The following NIPAL2 variants were observed in gnomAD, a reference collection of about 807,000 sequenced individuals.
The protein encoded by NIPAL2 is NIPA-like protein 2.
Under a neutral mutation model 48.9 loss-of-function variants are expected in NIPAL2, and 43 were observed. That is an observed-to-expected ratio of 0.88 (90% CI 0.69 to 1.13). NIPAL2 has a LOEUF of 1.13. Ranked by LOEUF, NIPAL2 falls within the 50% of genes most tolerant of loss-of-function variation. The probability of loss-of-function intolerance (pLI) is 0.00; values close to 1 mark genes in which losing one functional copy is unlikely to be tolerated. For missense variants in NIPAL2, 446 were observed against 461.4 expected, an observed-to-expected ratio of 0.97 and a Z score of 0.31; for synonymous variants, 167 against 174.6, an observed-to-expected ratio of 0.96 and a Z score of 0.34.
intron 1 of NIPAL2, among the ~76,000 whole-genome samples, chr8:98,278,366 C>A (rs1815602643): frequency 6.6e-6 from 1 of 152,118 alleles, no homozygotes; most frequent in South Asian, 2.1e-4. Flanking sequence ...CCACCATTAT[C>A]CCTTTAAATG....
chr8:98,220,728 G>A (rs2443578), intron 5 of NIPAL2, among the ~76,000 whole-genome samples: 10,715 of 151,828 alleles, frequency 0.071, 462 homozygotes, highest in Middle Eastern at 0.14. Context: ...TATTGATTTC[G>A]CAACCATTTT....
chr8:98,222,637 C>G (rs374689731), intron 4 of NIPAL2, 37 bp from the exon 5 acceptor site: 72 of 1,608,534 alleles, frequency 4.5e-5, no homozygotes, highest in Middle Eastern at 3.3e-4. Flanking sequence ...CAAATTGAAA[C>G]CAACCTAAAG....
At chr8:98,237,221 A>T (rs940058073) in intron 3 of NIPAL2, among the ~76,000 whole-genome samples, 12 of 151,468 alleles carry the variant, frequency 7.9e-5, no homozygotes, top group East Asian at 1.9e-4. Context: ...CTAATTAAAA[A>T]TTTTTTTATT....
intron 5 of NIPAL2, among the ~76,000 whole-genome samples, chr8:98,221,857 G>A (rs7820126): frequency 0.26 from 39,638 of 152,094 alleles, 5,274 homozygotes; most frequent in African/African-American, 0.28. Flanking sequence ...TAGTTCAACC[G>A]TTGTGGAAGA....
At chr8:98,287,583 G>A (rs972922870) in intron 1 of NIPAL2, among the ~76,000 whole-genome samples, 4 of 152,194 alleles carry the variant, frequency 2.6e-5, no homozygotes, top group African/African-American at 7.2e-5. Context: ...TTTATGACAT[G>A]TCCTATAATA....
Position 98,228,427 on chromosome 8 carries a change from A to G in NIPAL2, c.437-5827T>C, listed in dbSNP as rs138271592. ...TCAAGACTTGGATCCCAGAAGCCTA[A>G]TCCAAGCTGAAACTGCCCCCACAAA... On this transcript the variant is annotated intron_variant, in intron 4 of 10. Transcript: ENST00000430223. Among the ~76,000 whole-genome samples, 56 of 152,276 alleles carry G rather than the reference A, an allele frequency of 3.7e-4. 1 individual carries two copies. The highest frequency in any genetic ancestry group is 1.3e-3 in the African/African-American group (56 of 41,544).
chr8:98,277,957 C>A (rs1027227915), intron 1 of NIPAL2, among the ~76,000 whole-genome samples: 1 of 152,112 alleles, frequency 6.6e-6, no homozygotes, highest in Non-Finnish European at 1.5e-5. Flanking sequence ...CAGTGTCCTT[C>A]TTCCTGAAGA....
intron 1 of NIPAL2, among the ~76,000 whole-genome samples, chr8:98,290,566 A>T (rs1816437982): frequency 1.3e-5 from 2 of 152,190 alleles, no homozygotes; most frequent in South Asian, 4.1e-4. Flanking sequence ...GTCCAACTTT[A>T]ATTTTTACCA....
intron 1 of NIPAL2, among the ~76,000 whole-genome samples, chr8:98,273,211 A>G (rs1303537601): frequency 2.0e-5 from 3 of 152,226 alleles, no homozygotes; most frequent in Non-Finnish European, 4.4e-5. Context: ...GGTACATGCT[A>G]CAACCTAGAT....
chr8:98,256,223 C>T (rs920079513), intron 1 of NIPAL2, among the ~76,000 whole-genome samples: 36 of 152,046 alleles, frequency 2.4e-4, no homozygotes, highest in African/African-American at 8.0e-4. Context: ...GGCATTTCGC[C>T]ATGTTGGTCA....
chr8:98,220,486 C>T (rs535463732), intron 5 of NIPAL2, among the ~76,000 whole-genome samples: 32 of 151,678 alleles, frequency 2.1e-4, no homozygotes, highest in Admixed American at 1.6e-3. Flanking sequence ...TCATGGCTCA[C>T]TGCAACCTTG....
intron 1 of NIPAL2, among the ~76,000 whole-genome samples, chr8:98,273,114 A>G (rs1460121042): frequency 6.6e-6 from 1 of 152,208 alleles, no homozygotes; most frequent in Admixed American, 6.5e-5. Flanking sequence ...AAATGACCAA[A>G]TGTCTATTGG....
intron 1 of NIPAL2, among the ~76,000 whole-genome samples, chr8:98,265,077 T>C (rs1236471415): frequency 2.2e-5 from 3 of 134,354 alleles, no homozygotes; most frequent in African/African-American, 8.5e-5. Context: ...TGGCTAGCCA[T>C]ATGTAGAAAG....
chr8:98,214,167 CT>C lies in NIPAL2; in HGVS notation c.559-1667del, dbSNP rs71644509. 2.1e-3 allele frequency among the ~76,000 whole-genome samples: 311 copies of C among 146,250 alleles called. 3 individuals are homozygous for C. Among genetic ancestry groups the C allele is most frequent in the East Asian group, 0.011 (53 of 5,018 alleles). ...CTCAGTTTTATTTTTGTTTTAACATCTTTTTTTTTTTTTTGAGATGGAGTCT... is the reference window on the plus strand; with the variant it reads ...CTCAGTTTTATTTTTGTTTTAACATCTTTTTTTTTTTTTGAGATGGAGTCT... On this transcript the variant is annotated intron_variant, in intron 5 of 10. Transcript: ENST00000430223.
intron 3 of NIPAL2, among the ~76,000 whole-genome samples, chr8:98,244,353 CG>C (rs1563517791): frequency 2.1e-4 from 5 of 23,360 alleles, no homozygotes; most frequent in African/African-American, 3.2e-4. Context: ...AGAGGGTGGG[CG>C]TGGTGATGAG....
chr8:98,275,849 C>A (rs1815427408), intron 1 of NIPAL2, among the ~76,000 whole-genome samples: 1 of 152,148 alleles, frequency 6.6e-6, no homozygotes, highest in Non-Finnish European at 1.5e-5. Context: ...TTTCTTCTGT[C>A]CTATCTCATA....
At chr8:98,265,688 T>G (rs1170340751) in intron 1 of NIPAL2, among the ~76,000 whole-genome samples, 2 of 138,448 alleles carry the variant, frequency 1.4e-5, no homozygotes, top group African/African-American at 2.8e-5. Flanking sequence ...TTGGTGGGAC[T>G]GTAAACTAGT....
rs190339376 is a variant in NIPAL2 at position 98,285,283 on chromosome 8, G to A, written c.135+8720C>T. The stretch of plus-strand genomic sequence containing the variant: ...TGAGCCCACCTGTGGGGACATTGCT[G>A]TTGGGGCATACAGTGCCCTTTCTCT... On this transcript the variant is annotated intron_variant, in intron 1 of 10. Transcript: ENST00000430223. 2.7e-3 allele frequency among the ~76,000 whole-genome samples: 417 copies of A among 152,302 alleles called. 1 individual carries two copies. Among genetic ancestry groups the A allele is most frequent in the Non-Finnish European group, 5.2e-3 (354 of 68,020 alleles).
intron 4 of NIPAL2, among the ~76,000 whole-genome samples, chr8:98,226,495 T>C (rs1586349077): frequency 1.3e-5 from 2 of 152,296 alleles, no homozygotes; most frequent in East Asian, 3.9e-4. Context: ...AGGTACTATG[T>C]TGGTGGTCTT....
Sources: gnomAD v4.1 joint callset for allele counts (sites outside exome capture counted in the v4.1 genomes callset) on GRCh38, gnomAD v4.1.1 for gene constraint, MANE v1.5 for transcripts, NCBI Gene and HGNC (gene_info 2026-07-23, HGNC 2026-07-21) for gene names.